PSG11: variants seen among roughly 807,000 people sequenced by gnomAD.
PSG11 encodes the protein pregnancy-specific beta-1-glycoprotein 11.
PSG11 carries 42 observed loss-of-function variants against 36.0 expected under a neutral mutation model. That is an observed-to-expected ratio of 1.17 (90% CI 0.91 to 1.51). The LOEUF (loss-of-function observed/expected upper bound fraction) is 1.51, where lower values mean the gene tolerates loss of function less well. Among genes scored for constraint, PSG11 ranks in the 40% most tolerant of loss-of-function variants. PSG11 has a pLI of 0.00. For missense variants in PSG11, 558 were observed against 403.5 expected, an observed-to-expected ratio of 1.38 and a Z score of -3.28; for synonymous variants, 206 against 153.5, an observed-to-expected ratio of 1.34 and a Z score of -2.53.
At position 43,015,315 on chromosome 19, in the gene PSG11, C is replaced by T. The variant is rs1568487612; in HGVS notation, c.765G>A (p.Glu255=). Residue 255 remains glutamate (E), a synonymous_variant, in exon 4 of 6, where the codon GAG becomes GAA. Coordinates refer to ENST00000320078, the MANE Select transcript of PSG11 (RefSeq NM_002785.3). The part of the protein sequence containing the change: ...FPSVTSYYSG[E]NLDLSCFANS... ...TTGCGAAGCAGGACAAGTCGAGGTTCTCTCCTGAATAGTAAGAGGTGACTG... is the reference window on the plus strand; with the variant it reads ...TTGCGAAGCAGGACAAGTCGAGGTTTTCTCCTGAATAGTAAGAGGTGACTG... 1 of 1,610,156 alleles carries T rather than the reference C, an allele frequency of 6.2e-7. No individual in the cohort carries two copies. Among genetic ancestry groups the T allele is most frequent in the East Asian group, 2.2e-5 (1 of 44,788 alleles).
At chr19:43,025,102 G>A in intron 1 of PSG11, 46 bp from the exon 2 acceptor site, 1 of 1,575,360 alleles carries the variant, frequency 6.3e-7, no homozygotes, top group Non-Finnish European at 8.6e-7. Flanking sequence ...CCTATGTATT[G>A]GGGTGAAAAG....
chr19:43,025,537 G>A (rs1196282329), intron 1 of PSG11, among the ~76,000 whole-genome samples: 1 of 151,028 alleles, frequency 6.6e-6, no homozygotes, highest in Non-Finnish European at 1.5e-5. Flanking sequence ...TCCTCCCCAT[G>A]GCAGCATGAG....
At chr19:43,017,883 A>T (rs901174416) in intron 3 of PSG11, among the ~76,000 whole-genome samples, 1 of 151,524 alleles carries the variant, frequency 6.6e-6, no homozygotes, top group Non-Finnish European at 1.5e-5. Flanking sequence ...GTGAATTGAA[A>T]TTCTTTCCTT....
intron 5 of PSG11, among the ~76,000 whole-genome samples, chr19:43,008,282 A>AT (rs530821574): frequency 2.0e-5 from 3 of 150,910 alleles, no homozygotes; most frequent in Admixed American, 6.6e-5. Context: ...ATTTTTTTAA[A>AT]TTTTTTTTGA....
chr19:43,013,813 G>A (rs1258844676), intron 4 of PSG11, among the ~76,000 whole-genome samples: 2 of 151,368 alleles, frequency 1.3e-5, no homozygotes. Flanking sequence ...ACAAATATTT[G>A]TACACTGATG....
chr19:43,015,813 G>A lies in PSG11; in HGVS notation c.710-443C>T, dbSNP rs763713315. 3.7e-5 allele frequency: 60 copies of A among 1,610,144 alleles called. 2 individuals carry two copies. The highest frequency in any genetic ancestry group is 1.3e-5 in the Non-Finnish European group (15 of 1,178,998). Reference sequence around the variant, plus strand: ...AGTCACTGCGGATGCCACCATATCGGTCCCGTATTTCACATTGATAGGGTC... The same window carrying A: ...AGTCACTGCGGATGCCACCATATCGATCCCGTATTTCACATTGATAGGGTC... On this transcript the variant is annotated intron_variant, in intron 3 of 5. Transcript: ENST00000320078.
chr19:43,013,234 A>C lies in PSG11; in HGVS notation c.964+1882T>G, dbSNP rs1259403756. On this transcript the variant is annotated intron_variant, in intron 4 of 5. Coordinates refer to ENST00000320078, the MANE Select transcript of PSG11 (RefSeq NM_002785.3). ...ATTCCTTGGTTGTAACAACAAAAGC[A>C]TAGGCAACAAATAAAATCAATAAAT... Among the ~76,000 whole-genome samples the C allele has an allele frequency of 5.9e-5, 9 of 151,540 alleles. 1 individual carries two copies. Among genetic ancestry groups the C allele is most frequent in the Non-Finnish European group, 1.3e-4 (9 of 67,924 alleles).
At chr19:43,020,475 G>T (rs887595607) in intron 2 of PSG11, among the ~76,000 whole-genome samples, 1 of 151,074 alleles carries the variant, frequency 6.6e-6, no homozygotes, top group Admixed American at 6.6e-5. Context: ...TAGACCTCAT[G>T]TTGTGTTCTG....
intron 2 of PSG11, 135 bp downstream of exon 2, chr19:43,024,556 C>A (rs1169732176): frequency 6.6e-7 from 1 of 1,522,782 alleles, no homozygotes; most frequent in Non-Finnish European, 9.0e-7. Context: ...GTGTCCTGCA[C>A]TAAATGCCCA....
rs1373344217 is a variant in PSG11, at chr19:43,007,866, T to A, written c.*217A>T. 8 of 345,156 alleles carry A rather than the reference T, an allele frequency of 2.3e-5. No individual in the cohort carries two copies. In the Admixed American group the frequency reaches 3.9e-4, roughly 17 times the overall value. 21.4% of individuals were successfully genotyped at this position (345,156 alleles called of 1,614,324 possible). A position where few individuals can be genotyped will look rare whatever the true frequency, so the allele number is the denominator to read the frequency against. ...TTTCCAATAAAAAATTATGAAAACATTATCCTTTTGTTATTTAGTCCAATG... is the reference window on the plus strand; with the variant it reads ...TTTCCAATAAAAAATTATGAAAACAATATCCTTTTGTTATTTAGTCCAATG... On this transcript the variant is annotated 3_prime_UTR_variant, in exon 6 of 6. Coordinates refer to ENST00000320078, the MANE Select transcript of PSG11 (RefSeq NM_002785.3).
chr19:43,018,937 C>T lies in PSG11; in HGVS notation c.542G>A (p.Trp181Ter), dbSNP rs775816835. The T allele has an allele frequency of 1.7e-5, 28 of 1,612,010 alleles. 2 individuals are homozygous for T. Among genetic ancestry groups the T allele is most frequent in the Non-Finnish European group, 2.4e-5 (28 of 1,179,138 alleles). The change falls in exon 3 of 6, where the codon TGG becomes TAG. Residue 181 changes from tryptophan to a stop codon, truncating the protein, a stop_gained. Transcript: ENST00000320078. LOFTEE classifies it high-confidence loss of function. Reference sequence around the variant, plus strand: ...CATAGGGAGGCTCTGACCATTCATCCACCACAGGTAGCTTGCGTCCGGAGT... The same window carrying T: ...CATAGGGAGGCTCTGACCATTCATCTACCACAGGTAGCTTGCGTCCGGAGT... Reference protein sequence around the residue: ...PETPDASYLWWMNGQSLPMTH... With the variant: ...PETPDASYLW
At chr19:43,024,253 C>T (rs1290026643) in intron 2 of PSG11, among the ~76,000 whole-genome samples, 5 of 151,406 alleles carry the variant, frequency 3.3e-5, no homozygotes, top group African/African-American at 1.2e-4. Flanking sequence ...AGCCCTGGAA[C>T]AGGCTCCTCA....
chr19:43,014,522 C>T, intron 4 of PSG11: 5 of 980,728 alleles, frequency 5.1e-6, no homozygotes, highest in Non-Finnish European at 6.1e-6. Flanking sequence ...TTGGCTTGAA[C>T]TGGCAGCTCA....
intron 3 of PSG11, chr19:43,016,072 T>C (rs553161848): frequency 6.3e-7 from 1 of 1,591,528 alleles, no homozygotes; most frequent in African/African-American, 1.4e-5. Flanking sequence ...GAGAAGATTG[T>C]CCTGTGTGGC....
rs576996462 is a variant in PSG11 at position 43,019,163 on chromosome 19, C to G, written c.431-115G>C. On this transcript the variant is annotated intron_variant, in intron 2 of 5. Transcript: ENST00000320078. ...CTCAGCCCACCCGAGTCCCTAAAAG[C>G]CCATGGCAGGTGTGTGTGTTACAAC... 1.6e-5 allele frequency: 25 copies of G among 1,526,522 alleles called. No homozygotes were observed. In the African/African-American group the frequency reaches 3.4e-4, roughly 20 times the overall value. The allele number at this position is 1,526,522 out of a possible 1,614,324, so 94.6% of individuals were successfully genotyped here. A position where few individuals can be genotyped will look rare whatever the true frequency, so the allele number is the denominator to read the frequency against.
chr19:43,012,384 T>C (rs528337763), intron 4 of PSG11, among the ~76,000 whole-genome samples: 5 of 151,612 alleles, frequency 3.3e-5, no homozygotes, highest in African/African-American at 9.7e-5. Flanking sequence ...CTTGAACTTA[T>C]ATGTAGAAAA....
rs1002417266 is a variant in PSG11 at position 43,015,695 on chromosome 19, A to G, written c.710-325T>C. ...AGGTGTCTGTACTTGGACCGGAGAG[A>G]GACTGAGAGGCCTGGCCCCTGGTCG... On this transcript the variant is annotated intron_variant, in intron 3 of 5. Coordinates refer to ENST00000320078, the MANE Select transcript of PSG11 (RefSeq NM_002785.3). The G allele has an allele frequency of 2.1e-5, 33 of 1,586,516 alleles. 1 individual carries two copies. The highest frequency in any genetic ancestry group is 3.4e-5 in the Admixed American group (2 of 58,056).
At chr19:43,018,551 G>T in intron 3 of PSG11, 1 of 1,096,662 alleles carries the variant, frequency 9.1e-7, no homozygotes, top group Non-Finnish European at 1.3e-6. Context: ...CACAATCTGT[G>T]GACCCTGAGC....
At chr19:43,025,639 C>T (rs926687457) in intron 1 of PSG11, among the ~76,000 whole-genome samples, 5 of 143,228 alleles carry the variant, frequency 3.5e-5, no homozygotes, top group Admixed American at 1.4e-4. Context: ...TTCTCAGGGC[C>T]GTCCACGCCC....
Sources: gnomAD v4.1 joint callset for allele counts (sites outside exome capture counted in the v4.1 genomes callset) on GRCh38, gnomAD v4.1.1 for gene constraint, MANE v1.5 for transcripts, NCBI Gene and HGNC (gene_info 2026-07-23, HGNC 2026-07-21) for gene names.